ELMO1: variants seen among roughly 807,000 people sequenced by gnomAD.
ELMO1 encodes engulfment and cell motility protein 1.
ELMO1 carries 26 observed loss-of-function variants against 98.9 expected under a neutral mutation model. That is an observed-to-expected ratio of 0.26 (90% CI 0.19 to 0.36). ELMO1 has a LOEUF of 0.36. Ranked by LOEUF, ELMO1 falls within the 10% of genes least tolerant of loss-of-function variation. The pLI is 1.00. For synonymous variants in ELMO1, 346 were observed against 346.0 expected (o/e 1.00, Z 0.00); for missense variants, 627 against 935.2 (o/e 0.67, Z 4.30).
chr7:37,019,127 A>G (rs1441319381), intron 15 of ELMO1, among the ~76,000 whole-genome samples: 1 of 152,236 alleles, frequency 6.6e-6, no homozygotes, highest in African/African-American at 2.4e-5. Flanking sequence ...CAAAGGTCCT[A>G]TTATTATCAT....
chr7:37,233,730 T>A (rs1228998371), intron 7 of ELMO1, among the ~76,000 whole-genome samples: 1 of 152,114 alleles, frequency 6.6e-6, no homozygotes, highest in Non-Finnish European at 1.5e-5. Flanking sequence ...GTACTTTTTT[T>A]AAGTGGTCTA....
intron 1 of ELMO1, chr7:37,351,186 GAGA>G (rs1299102902): frequency 6.6e-6 from 1 of 152,208 alleles, no homozygotes; most frequent in Non-Finnish European, 1.5e-5. Flanking sequence ...GAACAATACA[GAGA>G]AGATTAGCAT....
intron 16 of ELMO1, among the ~76,000 whole-genome samples, chr7:36,952,249 A>C (rs1454315873): frequency 6.6e-6 from 1 of 152,226 alleles, no homozygotes; most frequent in African/African-American, 2.4e-5. Flanking sequence ...GGAATCAGTC[A>C]AAGAAGCCAT....
chr7:37,402,112 A>G (rs1803563445), intron 1 of ELMO1, among the ~76,000 whole-genome samples: 1 of 152,080 alleles, frequency 6.6e-6, no homozygotes, highest in South Asian at 2.1e-4. Flanking sequence ...ATCCTTTTCT[A>G]TTGTCAATCT....
intron 15 of ELMO1, among the ~76,000 whole-genome samples, chr7:37,061,004 C>T: frequency 6.6e-6 from 1 of 152,102 alleles, no homozygotes; most frequent in East Asian, 1.9e-4. Flanking sequence ...TCTCGATTTC[C>T]CAAATTTGGT....
At chr7:37,213,668 A>G (rs866098428) in intron 11 of ELMO1, among the ~76,000 whole-genome samples, 3 of 152,072 alleles carry the variant, frequency 2.0e-5, no homozygotes, top group Non-Finnish European at 4.4e-5. Flanking sequence ...GAAAAAACCT[A>G]CTGTGGGCAG....
At chr7:37,382,453 T>G (rs981338967) in intron 1 of ELMO1, among the ~76,000 whole-genome samples, 1 of 152,232 alleles carries the variant, frequency 6.6e-6, no homozygotes, top group Non-Finnish European at 1.5e-5. Flanking sequence ...AGAATTATTT[T>G]GAGCTGAAGG....
At chr7:36,945,481 G>A (rs1787395500) in intron 16 of ELMO1, among the ~76,000 whole-genome samples, 1 of 152,154 alleles carries the variant, frequency 6.6e-6, no homozygotes, top group South Asian at 2.1e-4. Context: ...TTAGCACGAA[G>A]CTTTCCGGGA....
intron 21 of ELMO1, 61 bp downstream of exon 21, chr7:36,861,598 C>G (rs144547285): frequency 6.5e-7 from 1 of 1,546,622 alleles, no homozygotes; most frequent in Non-Finnish European, 8.8e-7. Flanking sequence ...AAATTTCTTT[C>G]TATATTTTTC....
chr7:37,393,102 G>A (rs1370966241), intron 1 of ELMO1, among the ~76,000 whole-genome samples: 3 of 152,160 alleles, frequency 2.0e-5, no homozygotes, highest in Admixed American at 6.5e-5. Flanking sequence ...ACTTGTCCAT[G>A]AGGAAAAGTC....
intron 1 of ELMO1, among the ~76,000 whole-genome samples, chr7:37,387,595 C>T (rs1802862695): frequency 6.6e-6 from 1 of 152,070 alleles, no homozygotes; most frequent in Admixed American, 6.6e-5. Flanking sequence ...TCGAATATAC[C>T]ATTTTTGTAG....
intron 16 of ELMO1, among the ~76,000 whole-genome samples, chr7:36,934,665 T>C (rs1786353901): frequency 6.6e-6 from 1 of 152,170 alleles, no homozygotes; most frequent in African/African-American, 2.4e-5. Context: ...ATGGGCAAAA[T>C]AGTTTTTTTC....
At chr7:37,053,108 A>C (rs1183990104) in intron 15 of ELMO1, among the ~76,000 whole-genome samples, 1 of 152,212 alleles carries the variant, frequency 6.6e-6, no homozygotes, top group Non-Finnish European at 1.5e-5. Context: ...CACATTTAAA[A>C]AAGTCTTTAG....
At chr7:37,115,325 T>G (rs1368946957) in intron 14 of ELMO1, among the ~76,000 whole-genome samples, 2 of 152,182 alleles carry the variant, frequency 1.3e-5, no homozygotes, top group Non-Finnish European at 1.5e-5. Context: ...ATAGCTCTCA[T>G]GAACATAAAT....
At chr7:37,042,794 T>C (rs969269469) in intron 15 of ELMO1, among the ~76,000 whole-genome samples, 4 of 152,166 alleles carry the variant, frequency 2.6e-5, no homozygotes, top group African/African-American at 4.8e-5. Flanking sequence ...CTTTGTAACA[T>C]TCAAGTCTCA....
At chr7:36,864,739 C>T (rs1241603246) in intron 20 of ELMO1, among the ~76,000 whole-genome samples, 1 of 152,216 alleles carries the variant, frequency 6.6e-6, no homozygotes, top group Non-Finnish European at 1.5e-5. Flanking sequence ...CCTCCACACA[C>T]CACAACACTC....
intron 16 of ELMO1, among the ~76,000 whole-genome samples, chr7:36,926,505 A>G (rs73115370): frequency 0.11 from 16,053 of 151,824 alleles, 1,160 homozygotes; most frequent in Middle Eastern, 0.18. Flanking sequence ...GACCCCCCCA[A>G]CTGAGGTTGG....
At position 37,119,002 on chromosome 7, in the gene ELMO1, T is replaced by C. The variant is rs75860635; in HGVS notation, c.1191+14128A>G. 7.2e-5 allele frequency among the ~76,000 whole-genome samples: 11 copies of C among 152,344 alleles called. No individual in the cohort carries two copies. In the East Asian group the frequency reaches 2.1e-3, roughly 29 times the overall value. On this transcript the variant is annotated intron_variant, in intron 14 of 21. Coordinates refer to ENST00000310758, the MANE Select transcript of ELMO1 (RefSeq NM_014800.11). Reference sequence around the variant, plus strand: ...TTAAAATTCAGCTCTGGTACTACCTTAGCTGTGTGACTTTGGACAAACCAC... The same window carrying C: ...TTAAAATTCAGCTCTGGTACTACCTCAGCTGTGTGACTTTGGACAAACCAC...
At chr7:36,899,682 A>ATTTTTTTTTTTTTTTTTTT (rs1178774148) in intron 16 of ELMO1, among the ~76,000 whole-genome samples, 7 of 5,398 alleles carry the variant, frequency 1.3e-3, no homozygotes, top group Non-Finnish European at 2.9e-3. Flanking sequence ...ATCTTTACTC[A>ATTTTTTTTTTTTTTTTTTT]TCTTTTTTTT....
Sources: gnomAD v4.1 joint callset for allele counts (sites outside exome capture counted in the v4.1 genomes callset) on GRCh38, gnomAD v4.1.1 for gene constraint, MANE v1.5 for transcripts, NCBI Gene and HGNC (gene_info 2026-07-23, HGNC 2026-07-21) for gene names.